DNAH7: variants seen among roughly 807,000 people sequenced by gnomAD.
DNAH7 encodes the protein axonemal beta dynein heavy chain 7.
A neutral mutation model predicts 444.6 loss-of-function variants in DNAH7; 397 were observed. The observed-to-expected ratio is 0.89, with a 90% CI of 0.82 to 0.97. DNAH7 has a LOEUF of 0.97. Ranked by LOEUF, DNAH7 falls within the 50% of genes least tolerant of loss-of-function variation. The pLI, the probability that DNAH7 is intolerant of heterozygous loss-of-function variation, is 0.00. For synonymous variants in DNAH7, 1,636 were observed against 1,624.4 expected (o/e 1.01, Z -0.17); for missense variants, 4,902 against 4,800.8 (o/e 1.02, Z -0.62).
chr2:195,872,421 A>ATTTACGATT lies in DNAH7; in HGVS notation c.6453_6461dup (p.Val2153_Asn2154insLysIleVal), dbSNP rs748799503. The ATTTACGATT allele has an allele frequency of 1.2e-6, 2 of 1,610,100 alleles. No individual in the cohort carries two copies. The highest frequency in any genetic ancestry group is 1.7e-6 in the Non-Finnish European group (2 of 1,177,876). On this transcript the variant is annotated inframe_insertion, in exon 40 of 65. Transcript: ENST00000312428. The stretch of plus-strand genomic sequence containing the variant: ...CTTCTTTATACAGAGTCATTGTGCC[A>ATTTACGATT]TTTACGATTTGTGTGGTCAAATCTA...
At chr2:195,869,683 A>C (rs1469324936) in intron 40 of DNAH7, among the ~76,000 whole-genome samples, 1 of 152,064 alleles carries the variant, frequency 6.6e-6, no homozygotes, top group Non-Finnish European at 1.5e-5. Context: ...GGCAGAAGAG[A>C]ATAGCCAGGA....
chr2:195,809,032 T>C (rs1015964910), intron 52 of DNAH7, among the ~76,000 whole-genome samples, 156 bp from the exon 53 acceptor site: 1 of 152,238 alleles, frequency 6.6e-6, no homozygotes, highest in African/African-American at 2.4e-5. Context: ...TATTTATTCA[T>C]AGGAAACCAG....
At chr2:195,944,512 G>A (rs1308322816) in intron 19 of DNAH7, among the ~76,000 whole-genome samples, 3 of 152,118 alleles carry the variant, frequency 2.0e-5, no homozygotes, top group Non-Finnish European at 4.4e-5. Flanking sequence ...CTACACCTCT[G>A]CCAAGGATTC....
chr2:195,817,023 T>A, intron 50 of DNAH7, 60 bp from the exon 51 acceptor site: 2 of 1,228,570 alleles, frequency 1.6e-6, no homozygotes, highest in Non-Finnish European at 2.2e-6. Context: ...ATTTCACGTA[T>A]ATGTTCTTTT....
chr2:195,845,969 T>C (rs1698967807), intron 46 of DNAH7, among the ~76,000 whole-genome samples: 1 of 152,164 alleles, frequency 6.6e-6, no homozygotes, highest in African/African-American at 2.4e-5. Flanking sequence ...ATGGCAAGGA[T>C]GCCAAAAACA....
chr2:196,068,012 G>T (rs1698520779), intron 1 of DNAH7, among the ~76,000 whole-genome samples: 1 of 151,734 alleles, frequency 6.6e-6, no homozygotes, highest in East Asian at 1.9e-4. Context: ...AATAAAGAAA[G>T]AATTCTTAGA....
intron 2 of DNAH7, among the ~76,000 whole-genome samples, chr2:196,051,624 G>A (rs983402089): frequency 1.1e-4 from 17 of 151,918 alleles, no homozygotes; most frequent in Admixed American, 8.5e-4. Context: ...AAAATTAGCC[G>A]GGCGTGGTGG....
intron 61 of DNAH7, among the ~76,000 whole-genome samples, chr2:195,770,410 C>T (rs1422970007): frequency 1.3e-5 from 2 of 152,152 alleles, no homozygotes; most frequent in African/African-American, 4.8e-5. Flanking sequence ...CAGCCTCTGG[C>T]GTCTTCTCTC....
At chr2:195,893,645 T>C in intron 30 of DNAH7, 1 of 152,316 alleles carries the variant, frequency 6.6e-6, no homozygotes, top group South Asian at 2.1e-4. Flanking sequence ...GAAATCTCTA[T>C]TATCTTCTTA....
chr2:195,804,349 A>T, intron 54 of DNAH7, among the ~76,000 whole-genome samples: 1 of 152,200 alleles, frequency 6.6e-6, no homozygotes, highest in Non-Finnish European at 1.5e-5. Context: ...TAGAAATTGG[A>T]GCACCTGGTA....
intron 40 of DNAH7, among the ~76,000 whole-genome samples, chr2:195,868,933 T>C (rs1036314132): frequency 6.6e-6 from 1 of 150,676 alleles, no homozygotes; most frequent in Non-Finnish European, 1.5e-5. Context: ...GTCTCTAACA[T>C]ATATTAAACC....
At chr2:195,999,362 A>G (rs1693902406) in intron 12 of DNAH7, 17 of 621,116 alleles carry the variant, frequency 2.7e-5, no homozygotes, top group Non-Finnish European at 4.6e-5. Context: ...ATTAAGCAAG[A>G]ATTCAGCTAA....
intron 57 of DNAH7, among the ~76,000 whole-genome samples, chr2:195,793,161 T>A (rs1171014349): frequency 6.6e-6 from 1 of 152,110 alleles, no homozygotes; most frequent in East Asian, 1.9e-4. Flanking sequence ...GACCACAAAC[T>A]CCTGGCCTCA....
rs780864754 is a variant in DNAH7, at chr2:195,960,468, C to T, written c.2683G>A (p.Ala895Thr). Reference protein sequence around the residue: ...IDRFEGISEAASKEYSLEKAM... With the variant: ...IDRFEGISEATSKEYSLEKAM... ...TTTTCAAGAGAATATTCTTTGCTAG[C>T]TGCTTCACTAATACCTTCAAATCGG... The change falls in exon 18 of 65, where the codon GCT becomes ACT. Residue 895 changes from alanine to threonine, a missense_variant. By Grantham distance (58) the Ala-to-Thr change is moderately conservative (BLOSUM62 0). Transcript: ENST00000312428. 6.2e-7 allele frequency: 1 copy of T among 1,614,158 alleles called. No individual in the cohort carries two copies.
Position 196,026,776 on chromosome 2 carries a change from A to C in DNAH7, c.651T>G (p.Ser217Arg), listed in dbSNP as rs750438880. 1 of 1,609,980 alleles carries C rather than the reference A, an allele frequency of 6.2e-7. No homozygotes were observed. Among genetic ancestry groups the C allele is most frequent in the African/African-American group, 1.3e-5 (1 of 74,806 alleles). ...CCAATTTACCTATGGATTTCCTTAC[A>C]CTAAGAAGATAATCCTCTCTCATTT... ...SDEMREDYLL[S>R]VRKSIVDFVL... The change falls in exon 7 of 65, where the codon AGT becomes AGG. Residue 217 changes from serine (S) to arginine (R), a missense_variant. Ser to Arg is a moderately radical substitution (Grantham distance 110, BLOSUM62 -1). Transcript: ENST00000312428.
chr2:196,035,451 G>A (rs1696325070), intron 5 of DNAH7, among the ~76,000 whole-genome samples: 2 of 152,280 alleles, frequency 1.3e-5, no homozygotes, highest in South Asian at 2.1e-4. Context: ...AAAACTAAAT[G>A]AACAAAGGAG....
chr2:195,874,192 G>A (rs1295754552), intron 38 of DNAH7, among the ~76,000 whole-genome samples: 1 of 152,130 alleles, frequency 6.6e-6, no homozygotes, highest in Non-Finnish European at 1.5e-5. Flanking sequence ...CCCAAGACGA[G>A]TCTATACAGT....
rs1559213327 is a variant in DNAH7 at position 195,910,107 on chromosome 2, C to A, written c.4024G>T (p.Ala1342Ser). 1 of 1,613,892 alleles carries A rather than the reference C, an allele frequency of 6.2e-7. No homozygotes were observed. Among genetic ancestry groups the A allele is most frequent in the African/African-American group, 1.3e-5 (1 of 75,028 alleles). ...TGKTETTKDLAKAVAKQCVVF... is the reference protein window; with the variant it reads ...TGKTETTKDLSKAVAKQCVVF... ...ACACATTGTTTGGCTACAGCTTTTGCCAAATCCTTGGTAGTTTCAGTCTTC... is the reference window on the plus strand; with the variant it reads ...ACACATTGTTTGGCTACAGCTTTTGACAAATCCTTGGTAGTTTCAGTCTTC... Residue 1342 changes from alanine to serine, a missense_variant, in exon 25 of 65, where the codon GCA becomes TCA. Coordinates refer to ENST00000312428, the MANE Select transcript of DNAH7 (RefSeq NM_018897.3).
At chr2:195,743,398 C>A (rs1017506713) in intron 63 of DNAH7, among the ~76,000 whole-genome samples, 1 of 152,126 alleles carries the variant, frequency 6.6e-6, no homozygotes, top group African/African-American at 2.4e-5. Flanking sequence ...CTAGAGAACC[C>A]TAATACAGAT....
Sources: gnomAD v4.1 joint callset for allele counts (sites outside exome capture counted in the v4.1 genomes callset) on GRCh38, gnomAD v4.1.1 for gene constraint, MANE v1.5 for transcripts, NCBI Gene and HGNC (gene_info 2026-07-23, HGNC 2026-07-21) for gene names.